GRM7: variants seen among roughly 807,000 people sequenced by gnomAD.
GRM7 encodes the protein metabotropic glutamate receptor 7.
A neutral mutation model predicts 84.5 loss-of-function variants in GRM7; 35 were observed. The observed-to-expected ratio is 0.41, with a 90% CI of 0.32 to 0.55. The LOEUF is 0.55. Ranked by LOEUF, GRM7 falls within the 20% of genes least tolerant of loss-of-function variation. GRM7 has a pLI of 0.19. For missense variants in GRM7, 1,003 were observed against 1,194.6 expected (o/e 0.84, Z 2.36); for synonymous variants, 487 against 455.1 (o/e 1.07, Z -0.89).
At chr3:7,634,743 G>C (rs898128959) in intron 8 of GRM7, among the ~76,000 whole-genome samples, 1 of 151,008 alleles carries the variant, frequency 6.6e-6, no homozygotes, top group Non-Finnish European at 1.5e-5. Flanking sequence ...GCAGTGAGCC[G>C]AGATCGCGCC....
chr3:7,362,553 C>T (rs530036432), intron 4 of GRM7, among the ~76,000 whole-genome samples: 1 of 152,060 alleles, frequency 6.6e-6, no homozygotes, highest in Admixed American at 6.6e-5. Context: ...GACTGCCTTT[C>T]ACGTGTTAGC....
intron 1 of GRM7, among the ~76,000 whole-genome samples, chr3:6,953,952 A>G (rs752684609): frequency 1.3e-5 from 2 of 152,144 alleles, no homozygotes; most frequent in Non-Finnish European, 2.9e-5. Flanking sequence ...AAGCTCTTGT[A>G]ATTATTAGTT....
chr3:7,630,496 T>A (rs1697818407), intron 8 of GRM7, among the ~76,000 whole-genome samples: 1 of 152,108 alleles, frequency 6.6e-6, no homozygotes, highest in East Asian at 1.9e-4. Flanking sequence ...TCTTCCTTGA[T>A]CAGAGGAAAG....
At chr3:6,999,492 C>T (rs1229724641) in intron 1 of GRM7, among the ~76,000 whole-genome samples, 2 of 152,158 alleles carry the variant, frequency 1.3e-5, no homozygotes, top group East Asian at 3.9e-4. Flanking sequence ...GTTGCTTCCA[C>T]AATCGGGTAC....
At chr3:6,914,884 AGACCAGTGT>A (rs1285084944) in intron 1 of GRM7, among the ~76,000 whole-genome samples, 1 of 152,190 alleles carries the variant, frequency 6.6e-6, no homozygotes, top group African/African-American at 2.4e-5. Context: ...TCTCTATTCA[AGACCAGTGT>A]GGCCCCTATC....
chr3:7,319,037 A>G (rs907983611), intron 4 of GRM7, among the ~76,000 whole-genome samples: 1 of 152,112 alleles, frequency 6.6e-6, no homozygotes, highest in Non-Finnish European at 1.5e-5. Flanking sequence ...CTTGCCTTCA[A>G]CAAACTTTAA....
intron 1 of GRM7, among the ~76,000 whole-genome samples, chr3:7,039,796 GT>G (rs1235499576): frequency 6.6e-6 from 1 of 152,084 alleles, no homozygotes; most frequent in Non-Finnish European, 1.5e-5. Flanking sequence ...TTGCCGATCG[GT>G]TTTTTTGTAG....
rs141953913 is a variant in GRM7 at position 7,027,669 on chromosome 3, T to C, written c.520-118783T>C. On this transcript the variant is annotated intron_variant, in intron 1 of 9. Coordinates refer to ENST00000357716, the MANE Select transcript of GRM7 (RefSeq NM_000844.4). ...AAACCTTGTAAGAGGTTTTTGTCACTTCATTGGTTAAAACCCTCTAAATAT... is the reference window on the plus strand; with the variant it reads ...AAACCTTGTAAGAGGTTTTTGTCACCTCATTGGTTAAAACCCTCTAAATAT... Among the ~76,000 whole-genome samples, 26 of 152,300 alleles carry C rather than the reference T, an allele frequency of 1.7e-4. 1 individual carries two copies. The highest frequency in any genetic ancestry group is 3.4e-3 in the Middle Eastern group (1 of 294).
chr3:7,427,358 T>C (rs897853495), intron 5 of GRM7, among the ~76,000 whole-genome samples: 5 of 152,214 alleles, frequency 3.3e-5, no homozygotes, highest in African/African-American at 4.8e-5. Flanking sequence ...TATGCTCTTA[T>C]GTTATGAAGA....
chr3:7,344,080 ATCAAATCATGTTTTTTTTTT>A (rs1692777382), intron 4 of GRM7, among the ~76,000 whole-genome samples: 1 of 151,528 alleles, frequency 6.6e-6, no homozygotes, highest in East Asian at 1.9e-4. Context: ...TTGTGTATTC[ATCAAATCATGTTTTTTTTTT>A]TAACTTTTAA....
intron 9 of GRM7, among the ~76,000 whole-genome samples, chr3:7,700,578 T>C (rs532261597): frequency 3.9e-5 from 6 of 152,338 alleles, no homozygotes; most frequent in Admixed American, 2.6e-4. Context: ...TAAATAGATT[T>C]AGTCATAAAT....
At chr3:6,914,612 A>T (rs558265754) in intron 1 of GRM7, among the ~76,000 whole-genome samples, 142 of 152,234 alleles carry the variant, frequency 9.3e-4, no homozygotes, top group Non-Finnish European at 1.1e-3. Flanking sequence ...CATGTTGGTC[A>T]GGCTGGTCTC....
In GRM7 at chr3:6,919,497, C is replaced by T. The variant is rs566925726; in HGVS notation, c.519+57590C>T. On this transcript the variant is annotated intron_variant, in intron 1 of 9. Coordinates refer to ENST00000357716, the MANE Select transcript of GRM7 (RefSeq NM_000844.4). ...TGCTGGGATTACAGGAGTGAGCCAC[C>T]GCACCTGGCCAGAAATATATTTTAT... is the stretch of plus-strand genomic sequence containing the variant. Among the ~76,000 whole-genome samples, 308 of 151,548 alleles carry T rather than the reference C, an allele frequency of 2.0e-3. 3 individuals are homozygous for T. The highest frequency in any genetic ancestry group is 3.3e-3 in the Non-Finnish European group (221 of 67,894).
At chr3:7,554,397 G>A (rs111401367) in intron 7 of GRM7, among the ~76,000 whole-genome samples, 6 of 152,198 alleles carry the variant, frequency 3.9e-5, no homozygotes, top group South Asian at 2.1e-4. Flanking sequence ...CTTGCTAGTC[G>A]CTTGCTATGG....
intron 1 of GRM7, among the ~76,000 whole-genome samples, chr3:6,893,549 T>A (rs1311800204): frequency 6.6e-6 from 1 of 152,124 alleles, no homozygotes; most frequent in Non-Finnish European, 1.5e-5. Flanking sequence ...GCCCACCATC[T>A]TGTAAGTATA....
chr3:7,308,167 T>C (rs1700261243), intron 4 of GRM7, among the ~76,000 whole-genome samples: 1 of 152,204 alleles, frequency 6.6e-6, no homozygotes, highest in African/African-American at 2.4e-5. Flanking sequence ...AGAATGTTCC[T>C]ATTTACAAGA....
rs1427534496 is a variant in GRM7 at position 7,066,523 on chromosome 3, TG to T, written c.520-79927del. Among the ~76,000 whole-genome samples, 11 of 151,930 alleles carry T rather than the reference TG, an allele frequency of 7.2e-5. No homozygotes were observed. The East Asian group carries it at 2.1e-3, about 30-fold the overall frequency. On this transcript the variant is annotated intron_variant, in intron 1 of 9. Transcript: ENST00000357716. ...CCAATAACAAGCAGCAAGATTGAAA[TG>T]GCAATTTAAAAATTACCAACAACAA... is the stretch of plus-strand genomic sequence containing the variant.
intron 7 of GRM7, among the ~76,000 whole-genome samples, chr3:7,522,109 G>A (rs1041787508): frequency 2.6e-5 from 4 of 152,112 alleles, no homozygotes; most frequent in Non-Finnish European, 4.4e-5. Flanking sequence ...GTGTTAGACC[G>A]TAGCCTCTGA....
chr3:7,467,808 GA>G (rs557547492), intron 7 of GRM7, among the ~76,000 whole-genome samples: 154 of 150,756 alleles, frequency 1.0e-3, no homozygotes, highest in African/African-American at 3.4e-3. Flanking sequence ...ATCAAAAATG[GA>G]AAAAAAGAAA....
Sources: allele counts gnomAD v4.1 joint callset (sites outside exome capture counted in the v4.1 genomes callset), GRCh38; gene constraint gnomAD v4.1.1; transcripts MANE v1.5; gene names NCBI Gene and HGNC (gene_info 2026-07-23, HGNC 2026-07-21).